The following DTL variants were observed in gnomAD, a reference collection of about 807,000 sequenced individuals.
DTL encodes denticleless E3 ubiquitin protein ligase adapter, also known as denticleless protein homolog.
Under a neutral mutation model 87.0 loss-of-function variants are expected in DTL, and 46 were observed. The observed-to-expected ratio is 0.53, with a 90% CI of 0.42 to 0.68. DTL has a LOEUF of 0.68. DTL is among the 30% of genes least tolerant of loss of function. DTL has a pLI of 0.00. For synonymous variants in DTL, 308 were observed against 311.2 expected, an observed-to-expected ratio of 0.99 and a Z score of 0.11; for missense variants, 737 against 869.4, an observed-to-expected ratio of 0.85 and a Z score of 1.91.
intron 13 of DTL, among the ~76,000 whole-genome samples, chr1:212,087,383 C>T (rs1353570723): frequency 6.6e-6 from 1 of 152,014 alleles, no homozygotes; most frequent in Non-Finnish European, 1.5e-5. Flanking sequence ...CCCGTCTCTA[C>T]TAAAAATACA....
rs542946346 is a variant in DTL at position 212,044,096 on chromosome 1, A to G, written c.179-564A>G. 2.0e-5 allele frequency among the ~76,000 whole-genome samples: 3 copies of G among 152,336 alleles called. No individual in the cohort carries two copies. In the South Asian group the frequency reaches 6.2e-4, roughly 32 times the overall value. On this transcript the variant is annotated intron_variant, in intron 2 of 14. Transcript: ENST00000366991. ...ATAGCGAGACTGTCTCTCAAAAACT[A>G]ATAGACTATTACATAGTCATGATTG...
intron 5 of DTL, among the ~76,000 whole-genome samples, chr1:212,050,060 A>G (rs138668729): frequency 5.3e-5 from 8 of 152,166 alleles, no homozygotes; most frequent in Non-Finnish European, 1.0e-4. Flanking sequence ...AGTCCGAGCT[A>G]CTTGGGAGGC....
intron 8 of DTL, among the ~76,000 whole-genome samples, chr1:212,067,832 A>G (rs765470774): frequency 3.9e-5 from 6 of 152,230 alleles, no homozygotes; most frequent in Non-Finnish European, 7.3e-5. Flanking sequence ...AGAGTTATGT[A>G]TGGAGATATA....
intron 1 of DTL, among the ~76,000 whole-genome samples, 191 bp downstream of exon 1, chr1:212,036,133 G>A (rs1667447948): frequency 6.6e-6 from 1 of 152,180 alleles, no homozygotes; most frequent in Non-Finnish European, 1.5e-5. Context: ...ACTTGTAATC[G>A]TAATCGGGCT....
In DTL at chr1:212,100,309, C is replaced by T. The variant is rs1655578181; in HGVS notation, c.1319C>T (p.Pro440Leu). The change falls in exon 14 of 15, where the codon CCA becomes CTA. Residue 440 changes from proline (P) to leucine (L), a missense_variant. Pro to Leu is a moderately conservative substitution (Grantham distance 98). Coordinates refer to ENST00000366991, the MANE Select transcript of DTL (RefSeq NM_016448.4). ...PAKAPRAKCN[P>L]SNSSPSSAAC... ...AAAGCCCCCAGGGCAAAGTGCAATCCATCCAATTCTTCCCCGTCATCCGCA... is the reference window on the plus strand; with the variant it reads ...AAAGCCCCCAGGGCAAAGTGCAATCTATCCAATTCTTCCCCGTCATCCGCA... 4 of 1,609,352 alleles carry T rather than the reference C, an allele frequency of 2.5e-6. No homozygotes were observed. The highest frequency in any genetic ancestry group is 1.7e-5 in the Admixed American group (1 of 59,352).
At chr1:212,098,068 G>A (rs1269734446) in intron 13 of DTL, among the ~76,000 whole-genome samples, 1 of 152,168 alleles carries the variant, frequency 6.6e-6, no homozygotes, top group Non-Finnish European at 1.5e-5. Flanking sequence ...GTCCTGTGAT[G>A]TGATCTGTCT....
rs370109409 is a variant in DTL, at chr1:212,035,863, C to T, written c.-28C>T. 4 of 1,613,352 alleles carry T rather than the reference C, an allele frequency of 2.5e-6. No homozygotes were observed. The African/African-American group carries it at 4.0e-5, about 16-fold the overall frequency. On this transcript the variant is annotated 5_prime_UTR_variant, in exon 1 of 15. Coordinates refer to ENST00000366991, the MANE Select transcript of DTL (RefSeq NM_016448.4). ...TTGGAGGCATTTCTACGACTTTTCT[C>T]TCAGCTGAGGCTTTTCCTCCGACCC...
Position 212,100,734 on chromosome 1 carries a change from G to A in DTL, c.1744G>A (p.Glu582Lys). 1 of 1,614,140 alleles carries A rather than the reference G, an allele frequency of 6.2e-7. No individual in the cohort carries two copies. The highest frequency in any genetic ancestry group is 8.5e-7 in the Non-Finnish European group (1 of 1,180,010). The change falls in exon 14 of 15, where the codon GAA becomes AAA. Residue 582 changes from glutamate (E) to lysine (K), a missense_variant. By Grantham distance (56) the Glu-to-Lys change is moderately conservative. Coordinates refer to ENST00000366991, the MANE Select transcript of DTL (RefSeq NM_016448.4). ...NCVTELDGQV[E>K]NLHLDLCCLA... ...TGTGACTGAGCTTGATGGCCAAGTT[G>A]AAAATCTTCATTTGGATCTGTGCTG...
At chr1:212,038,725 A>G (rs138741141) in intron 1 of DTL, among the ~76,000 whole-genome samples, 247 of 152,290 alleles carry the variant, frequency 1.6e-3, no homozygotes, top group Middle Eastern at 3.4e-3. Flanking sequence ...CATTGCTGCT[A>G]ATGATCCTTC....
Position 212,044,697 on chromosome 1 carries a change from A to G in DTL, c.216A>G (p.Glu72=). 1.2e-6 allele frequency: 2 copies of G among 1,613,514 alleles called. No homozygotes were observed. Among genetic ancestry groups the G allele is most frequent in the Non-Finnish European group, 1.7e-6 (2 of 1,179,566 alleles). The part of the protein sequence containing the change: ...NMEHVLAVAN[E]EGFVRLYNTE... ...AACATGTACTAGCAGTTGCCAATGA[A>G]GAAGGCTTTGTTCGATTGTATAACA... Residue 72 remains glutamate, a synonymous_variant, in exon 3 of 15, where the codon GAA becomes GAG. Coordinates refer to ENST00000366991, the MANE Select transcript of DTL (RefSeq NM_016448.4).
intron 13 of DTL, among the ~76,000 whole-genome samples, chr1:212,091,026 A>G (rs1448173862): frequency 6.6e-6 from 1 of 152,242 alleles, no homozygotes; most frequent in Non-Finnish European, 1.5e-5. Flanking sequence ...TGTGTTGTAG[A>G]ATACCTATAC....
chr1:212,071,548 A>G (rs1654670643), intron 10 of DTL, among the ~76,000 whole-genome samples: 1 of 152,180 alleles, frequency 6.6e-6, no homozygotes, highest in Admixed American at 6.5e-5. Context: ...CACATAAGCT[A>G]TTAGTAAGTT....
chr1:212,090,813 G>T (rs1049344425), intron 13 of DTL, among the ~76,000 whole-genome samples: 3 of 152,180 alleles, frequency 2.0e-5, no homozygotes, highest in African/African-American at 7.2e-5. Context: ...TGATTGAATG[G>T]CTTCTTGTGA....
At chr1:212,042,314 C>G (rs1248302452) in intron 1 of DTL, among the ~76,000 whole-genome samples, 2 of 152,176 alleles carry the variant, frequency 1.3e-5, no homozygotes, top group Non-Finnish European at 2.9e-5. Flanking sequence ...GTTCTCTGTT[C>G]TAAATTCAGT....
chr1:212,084,181 T>C (rs1233974142), intron 13 of DTL, among the ~76,000 whole-genome samples: 1 of 150,956 alleles, frequency 6.6e-6, no homozygotes, highest in African/African-American at 2.4e-5. Context: ...TGCTCTTTGC[T>C]TTTTTTAATT....
At chr1:212,076,389 CTT>C (rs1444709474) in intron 11 of DTL, among the ~76,000 whole-genome samples, 2 of 152,116 alleles carry the variant, frequency 1.3e-5, no homozygotes, top group African/African-American at 4.8e-5. Flanking sequence ...TAATGGGTCT[CTT>C]TCTTTTTTCT....
chr1:212,102,287 T>C (rs1213447490), intron 14 of DTL, among the ~76,000 whole-genome samples: 1 of 152,160 alleles, frequency 6.6e-6, no homozygotes, highest in African/African-American at 2.4e-5. Flanking sequence ...AATTTCTATT[T>C]TTTTTTTCAA....
At chr1:212,037,447 A>G (rs1301097669) in intron 1 of DTL, among the ~76,000 whole-genome samples, 3 of 152,140 alleles carry the variant, frequency 2.0e-5, no homozygotes, top group African/African-American at 7.2e-5. Context: ...CTACATACAT[A>G]CAACCTTCTG....
chr1:212,035,901 A>C lies in DTL; in HGVS notation c.11A>C (p.Asn4Thr). The C allele has an allele frequency of 6.2e-7, 1 of 1,614,150 alleles. No homozygotes were observed. Among genetic ancestry groups the C allele is most frequent in the East Asian group, 2.2e-5 (1 of 44,882 alleles). ...TTTCCTCCGACCCTGATGCTCTTCAATTCGGTGCTCCGCCAGCCCCAGCTT... is the reference window on the plus strand; with the variant it reads ...TTTCCTCCGACCCTGATGCTCTTCACTTCGGTGCTCCGCCAGCCCCAGCTT... MLF[N>T]SVLRQPQLGV... The change falls in exon 1 of 15, where the codon AAT (asparagine) becomes ACT (threonine). Residue 4 changes from asparagine to threonine, a missense_variant. By Grantham distance (65) the Asn-to-Thr change is moderately conservative. Coordinates refer to ENST00000366991, the MANE Select transcript of DTL (RefSeq NM_016448.4).
Sources: gnomAD v4.1 joint callset for allele counts (sites outside exome capture counted in the v4.1 genomes callset) on GRCh38, gnomAD v4.1.1 for gene constraint, MANE v1.5 for transcripts, NCBI Gene and HGNC (gene_info 2026-07-23, HGNC 2026-07-21) for gene names.